CSTF3: variants seen among roughly 807,000 people sequenced by gnomAD.
CSTF3 encodes CF-1 77 kDa subunit.
Under a neutral mutation model 105.8 loss-of-function variants are expected in CSTF3, and 29 were observed. The observed-to-expected ratio is 0.27, with a 90% CI of 0.20 to 0.37. CSTF3 has a LOEUF of 0.37. Ranked by LOEUF, CSTF3 falls within the 10% of genes least tolerant of loss-of-function variation. The pLI is 1.00. For missense variants in CSTF3, 357 were observed against 879.3 expected, an observed-to-expected ratio of 0.41 and a Z score of 7.51; for synonymous variants, 252 against 281.9, an observed-to-expected ratio of 0.89 and a Z score of 1.06.
intron 3 of CSTF3, among the ~76,000 whole-genome samples, chr11:33,133,758 C>A (rs1028254985): frequency 7.2e-5 from 11 of 152,146 alleles, no homozygotes; most frequent in Admixed American, 2.6e-4. Context: ...TGTAGTGAGC[C>A]GAGATCACGC....
At chr11:33,088,273 C>T (rs1855128400) in intron 17 of CSTF3, among the ~76,000 whole-genome samples, 1 of 151,182 alleles carries the variant, frequency 6.6e-6, no homozygotes, top group African/African-American at 2.5e-5. Context: ...TAGTTCTACT[C>T]CTGAATACTT....
chr11:33,084,719 A>G lies in CSTF3; in HGVS notation c.*368T>C, dbSNP rs915288878. 3 of 213,360 alleles carry G rather than the reference A, an allele frequency of 1.4e-5. No individual in the cohort carries two copies. The highest frequency in any genetic ancestry group is 5.3e-5 in the Admixed American group (1 of 19,038). The allele number at this position is 213,360 out of a possible 1,614,324, so 13.2% of individuals were successfully genotyped here. Reference sequence around the variant, plus strand: ...AAGCAAACCAAGAACAATTGTTTTCAGAAAATGTGATAAAATGCTTTACAA... The same window carrying G: ...AAGCAAACCAAGAACAATTGTTTTCGGAAAATGTGATAAAATGCTTTACAA... On this transcript the variant is annotated 3_prime_UTR_variant, in exon 21 of 21. Coordinates refer to ENST00000323959, the MANE Select transcript of CSTF3 (RefSeq NM_001326.3).
chr11:33,116,358 TAA>T (rs1855430990), intron 3 of CSTF3, among the ~76,000 whole-genome samples: 1 of 152,138 alleles, frequency 6.6e-6, no homozygotes, highest in South Asian at 2.1e-4. Context: ...GGACTAAATT[TAA>T]GTTTAAATTA....
At chr11:33,092,223 A>C in intron 16 of CSTF3, 48 bp downstream of exon 16, 1 of 1,330,260 alleles carries the variant, frequency 7.5e-7, no homozygotes, top group South Asian at 1.4e-5. Context: ...AATTCAGGTA[A>C]GAAAGCTGTC....
chr11:33,124,255 T>C (rs1855522202), intron 3 of CSTF3, among the ~76,000 whole-genome samples: 1 of 152,060 alleles, frequency 6.6e-6, no homozygotes, highest in Non-Finnish European at 1.5e-5. Context: ...AAAAATTTAG[T>C]TCATTTAGTT....
intron 3 of CSTF3, 136 bp downstream of exon 3, chr11:33,141,531 A>G: frequency 7.2e-7 from 1 of 1,384,318 alleles, no homozygotes; most frequent in Non-Finnish European, 9.4e-7. Context: ...TTACTCCTTT[A>G]TACCTATTTT....
intron 5 of CSTF3, among the ~76,000 whole-genome samples, chr11:33,106,324 G>A (rs554353272): frequency 2.0e-5 from 3 of 152,272 alleles, no homozygotes; most frequent in African/African-American, 7.2e-5. Flanking sequence ...GCTGAGGTGG[G>A]AGGAGTGCTT....
chr11:33,149,382 C>G (rs1855828412), intron 1 of CSTF3, among the ~76,000 whole-genome samples: 1 of 152,214 alleles, frequency 6.6e-6, no homozygotes, highest in Admixed American at 6.5e-5. Flanking sequence ...TGGTTATGGT[C>G]ACATTTAATT....
At chr11:33,137,778 G>A (rs1855670649) in intron 3 of CSTF3, among the ~76,000 whole-genome samples, 1 of 150,932 alleles carries the variant, frequency 6.6e-6, no homozygotes, top group Admixed American at 6.6e-5. Flanking sequence ...ATTTTTTTTG[G>A]TAAAAAGGCT....
chr11:33,118,950 T>C (rs1283596506), intron 3 of CSTF3, among the ~76,000 whole-genome samples: 2 of 151,846 alleles, frequency 1.3e-5, no homozygotes, highest in Admixed American at 1.3e-4. Context: ...TATTAAACAA[T>C]ATAACTTCTC....
chr11:33,138,074 G>C (rs973436136), intron 3 of CSTF3, among the ~76,000 whole-genome samples: 1 of 151,612 alleles, frequency 6.6e-6, no homozygotes, highest in Non-Finnish European at 1.5e-5. Context: ...CAAGTATAGA[G>C]AAAAGAATTC....
intron 1 of CSTF3, among the ~76,000 whole-genome samples, chr11:33,159,006 T>C (rs1234812891): frequency 3.3e-5 from 5 of 152,144 alleles, no homozygotes; most frequent in Non-Finnish European, 7.4e-5. Context: ...AATCACATTC[T>C]TGGGACAAAT....
chr11:33,088,133 T>A (rs1270518629), intron 17 of CSTF3, among the ~76,000 whole-genome samples: 9 of 152,292 alleles, frequency 5.9e-5, no homozygotes, highest in African/African-American at 2.2e-4. Flanking sequence ...TATCGCTTTT[T>A]AAAAATCTTT....
chr11:33,100,166 C>T (rs571343534), intron 10 of CSTF3, among the ~76,000 whole-genome samples: 65 of 152,160 alleles, frequency 4.3e-4, no homozygotes, highest in Admixed American at 3.9e-3. Context: ...ACCATCCTGG[C>T]TAACATGGTG....
chr11:33,156,838 G>A, intron 1 of CSTF3: 1 of 361,164 alleles, frequency 2.8e-6, no homozygotes, highest in Non-Finnish European at 5.4e-6. Context: ...TTTAAAAGAT[G>A]CAAACTTAAT....
rs561566565 is a variant in CSTF3 at position 33,090,792 on chromosome 11, C to CA, written c.1446-66dup. On this transcript the variant is annotated intron_variant, in intron 16 of 20. Coordinates refer to ENST00000323959, the MANE Select transcript of CSTF3 (RefSeq NM_001326.3). Reference sequence around the variant, plus strand: ...GGGTTTAGGGCAGGGAGTTCATTTACAAAAACGCCTTAAGCTCTCTCTTTT... The same window carrying CA: ...GGGTTTAGGGCAGGGAGTTCATTTACAAAAAACGCCTTAAGCTCTCTCTTTT... The CA allele has an allele frequency of 8.8e-5, 97 of 1,097,508 alleles. No individual in the cohort carries two copies. The African/African-American group carries it at 1.4e-3, about 16-fold the overall frequency. The allele number at this position is 1,097,508 out of a possible 1,614,324, so 68.0% of individuals were successfully genotyped here.
chr11:33,086,010 T>C (rs759497477), intron 18 of CSTF3, 21 bp from the exon 19 acceptor site: 2 of 1,419,336 alleles, frequency 1.4e-6, no homozygotes, highest in Non-Finnish European at 1.9e-6. Flanking sequence ...AAGAAAAGTA[T>C]GAATCAAGTG....
chr11:33,160,051 G>C (rs1386223214), intron 1 of CSTF3, among the ~76,000 whole-genome samples: 1 of 151,502 alleles, frequency 6.6e-6, no homozygotes, highest in Non-Finnish European at 1.5e-5. Context: ...AATGAATTTC[G>C]AAAACTTTCA....
intron 3 of CSTF3, among the ~76,000 whole-genome samples, chr11:33,121,374 T>C (rs1219582243): frequency 6.6e-6 from 1 of 152,120 alleles, no homozygotes; most frequent in Non-Finnish European, 1.5e-5. Context: ...ATCTACTAGA[T>C]TTTAAAACTT....
Sources: gnomAD v4.1 joint callset for allele counts (sites outside exome capture counted in the v4.1 genomes callset) on GRCh38, gnomAD v4.1.1 for gene constraint, MANE v1.5 for transcripts, NCBI Gene and HGNC (gene_info 2026-07-23, HGNC 2026-07-21) for gene names.